DDX24: variants seen among roughly 807,000 people sequenced by gnomAD.
DDX24 encodes ATP-dependent RNA helicase DDX24.
Under a neutral mutation model 68.9 loss-of-function variants are expected in DDX24, and 24 were observed. That is an observed-to-expected ratio of 0.35 (90% CI 0.25 to 0.49). The LOEUF (loss-of-function observed/expected upper bound fraction) is 0.49, where lower values mean the gene tolerates loss of function less well. Ranked by LOEUF, DDX24 falls within the 20% of genes least tolerant of loss-of-function variation. The pLI, the probability that DDX24 is intolerant of heterozygous loss-of-function variation, is 0.99. For synonymous variants in DDX24, 395 were observed against 385.2 expected (o/e 1.03, Z -0.30); for missense variants, 989 against 1,039.0 (o/e 0.95, Z 0.66).
At position 94,051,155 on chromosome 14, in the gene DDX24, A is replaced by T; in HGVS notation, c.*36T>A. 1.3e-6 allele frequency: 2 copies of T among 1,490,632 alleles called. No homozygotes were observed. The highest frequency in any genetic ancestry group is 1.8e-6 in the Non-Finnish European group (2 of 1,123,158). The allele number at this position is 1,490,632 out of a possible 1,614,324, so 92.3% of individuals were successfully genotyped here. A position where few individuals can be genotyped will look rare whatever the true frequency, so the allele number is the denominator to read the frequency against. ...GAGGTTTTGCAAATAGCCAGAGAAC[A>T]GAAACCAATGTGCAGTCACTGACAC... On this transcript the variant is annotated 3_prime_UTR_variant, in exon 9 of 9. Transcript: ENST00000621632.
chr14:94,079,760 TAC>T lies in DDX24; in HGVS notation c.-5-15_-5-14del. 3 of 1,607,620 alleles carry T rather than the reference TAC, an allele frequency of 1.9e-6. No individual in the cohort carries two copies. Among genetic ancestry groups the T allele is most frequent in the Non-Finnish European group, 2.6e-6 (3 of 1,176,426 alleles). Reference sequence around the variant, plus strand: ...AACTTCATGGTTGCTGAAAAGGAGATACATGTTCTATTAGGTTGGTGTCTGAG... The same window carrying T: ...AACTTCATGGTTGCTGAAAAGGAGATATGTTCTATTAGGTTGGTGTCTGAG... On this transcript the variant is annotated splice_polypyrimidine_tract_variant and intron_variant, in intron 1 of 8. Transcript: ENST00000621632.
chr14:94,079,207 G>A lies in DDX24; in HGVS notation c.536C>T (p.Thr179Ile). Residue 179 changes from threonine (T) to isoleucine (I), a missense_variant, in exon 2 of 9, where the codon ACA becomes ATA. Transcript: ENST00000621632. ...TAAKVPKKAK[T>I]WIPEVHDQKA... ...CTGATCATGAACTTCAGGAATCCAT[G>A]TCTTCGCTTTTTTGGGCACCTTGGC... 6.2e-7 allele frequency: 1 copy of A among 1,614,240 alleles called. No homozygotes were observed. Among genetic ancestry groups the A allele is most frequent in the Admixed American group, 1.7e-5 (1 of 60,028 alleles).
chr14:94,078,159 T>C (rs1301772486), intron 2 of DDX24, among the ~76,000 whole-genome samples: 1 of 152,220 alleles, frequency 6.6e-6, no homozygotes, highest in Admixed American at 6.5e-5. Flanking sequence ...CGAGAGATGA[T>C]TTAAAATATA....
chr14:94,063,356 G>A (rs1229808660), intron 2 of DDX24, among the ~76,000 whole-genome samples: 1 of 152,128 alleles, frequency 6.6e-6, no homozygotes. Context: ...AGACTTATCA[G>A]AAACAATGAA....
At chr14:94,055,587 C>T (rs1885478600) in intron 6 of DDX24, 1 of 191,062 alleles carries the variant, frequency 5.2e-6, no homozygotes, top group African/African-American at 2.3e-5. Flanking sequence ...GAGCCCCTGG[C>T]ACACACCATT....
In DDX24 at chr14:94,062,045, G is replaced by T. The variant is rs930454054; in HGVS notation, c.1243+52C>A. The T allele has an allele frequency of 1.0e-5, 16 of 1,526,766 alleles. No individual in the cohort carries two copies. The African/African-American group carries it at 1.9e-4, about 19-fold the overall frequency. 94.6% of individuals were successfully genotyped at this position (1,526,766 alleles called of 1,614,324 possible). ...CCACAGCTCATTCATCTTTACCAACGAGCATTTGGGATTTACCTAGAAAAT... is the reference window on the plus strand; with the variant it reads ...CCACAGCTCATTCATCTTTACCAACTAGCATTTGGGATTTACCTAGAAAAT... On this transcript the variant is annotated intron_variant, in intron 3 of 8. Coordinates refer to ENST00000621632, the MANE Select transcript of DDX24 (RefSeq NM_020414.4).
At position 94,051,419 on chromosome 14, in the gene DDX24, C is replaced by T. The variant is rs777127239; in HGVS notation, c.2352G>A (p.Gln784=). ...GCAGCTCCTTCTTCAGAACCTTCAT[C>T]TGCTTTTGTCTCCGACGTTCTTCTT... ...DQQEERRRQK[Q]MKVLKKELRH... Residue 784 remains glutamine, a synonymous_variant, in exon 9 of 9, where the codon CAG becomes CAA. Transcript: ENST00000621632. 19 of 1,586,522 alleles carry T rather than the reference C, an allele frequency of 1.2e-5. No individual in the cohort carries two copies. The highest frequency in any genetic ancestry group is 8.6e-7 in the Non-Finnish European group (1 of 1,168,832).
intron 2 of DDX24, among the ~76,000 whole-genome samples, chr14:94,069,224 G>A (rs1885778493): frequency 6.6e-6 from 1 of 151,920 alleles, no homozygotes; most frequent in Non-Finnish European, 1.5e-5. Flanking sequence ...ATCATTCAAG[G>A]CTACTATGAA....
chr14:94,077,146 G>A (rs969879610), intron 2 of DDX24, among the ~76,000 whole-genome samples: 1 of 152,144 alleles, frequency 6.6e-6, no homozygotes, highest in Non-Finnish European at 1.5e-5. Flanking sequence ...GCCAATAATA[G>A]GCTATTAGCG....
rs573708420 is a variant in DDX24, at chr14:94,069,692, C to G, written c.719-7071G>C. 6.8e-4 allele frequency among the ~76,000 whole-genome samples: 103 copies of G among 152,140 alleles called. 1 individual carries two copies. The highest frequency in any genetic ancestry group is 1.3e-4 in the Non-Finnish European group (9 of 68,022). On this transcript the variant is annotated intron_variant, in intron 2 of 8. Coordinates refer to ENST00000621632, the MANE Select transcript of DDX24 (RefSeq NM_020414.4). Reference sequence around the variant, plus strand: ...TCAAGTGGGTTTCATGCCAGGGATGCAGGGATGGTTTAACATATGCAAGTC... The same window carrying G: ...TCAAGTGGGTTTCATGCCAGGGATGGAGGGATGGTTTAACATATGCAAGTC...
chr14:94,056,275 TTGAC>T (rs1240639911), intron 6 of DDX24: 2 of 152,240 alleles, frequency 1.3e-5, no homozygotes, highest in African/African-American at 4.8e-5. Context: ...TGACAAACTA[TTGAC>T]TGATGGCTGA....
At chr14:94,068,945 C>T (rs1885771489) in intron 2 of DDX24, among the ~76,000 whole-genome samples, 1 of 152,070 alleles carries the variant, frequency 6.6e-6, no homozygotes, top group Non-Finnish European at 1.5e-5. Flanking sequence ...AAGGTCACAT[C>T]TCAAGGAGCT....
intron 7 of DDX24, chr14:94,053,354 ATTTC>A (rs1340288531): frequency 1.4e-4 from 21 of 145,266 alleles, no homozygotes; most frequent in Middle Eastern, 2.4e-3. Flanking sequence ...TGCCTAGGTA[ATTTC>A]TTTTTTTTTT....
chr14:94,061,340 T>G (rs1885592487), intron 3 of DDX24, among the ~76,000 whole-genome samples: 1 of 152,166 alleles, frequency 6.6e-6, no homozygotes, highest in African/African-American at 2.4e-5. Context: ...AACCCAGGTA[T>G]GCTTACCTCC....
chr14:94,079,756 G>A lies in DDX24; in HGVS notation c.-5-9C>T, dbSNP rs2141439410. On this transcript the variant is annotated splice_polypyrimidine_tract_variant and intron_variant, in intron 1 of 8. Transcript: ENST00000621632. Reference sequence around the variant, plus strand: ...CTTCAACTTCATGGTTGCTGAAAAGGAGATACATGTTCTATTAGGTTGGTG... The same window carrying A: ...CTTCAACTTCATGGTTGCTGAAAAGAAGATACATGTTCTATTAGGTTGGTG... The A allele has an allele frequency of 6.2e-7, 1 of 1,609,816 alleles. No homozygotes were observed.
Position 94,051,322 on chromosome 14 carries a change from G to A in DDX24, c.2449C>T (p.Pro817Ser), listed in dbSNP as rs779756351. 1 of 1,613,440 alleles carries A rather than the reference G, an allele frequency of 6.2e-7. No individual in the cohort carries two copies. The highest frequency in any genetic ancestry group is 8.5e-7 in the Non-Finnish European group (1 of 1,179,892). The stretch of plus-strand genomic sequence containing the variant: ...TTACTTGGGGCAGACACAAGCAGGG[G>A]CGGCTTGCCAGACTGAGTGGGATAC... The part of the protein sequence containing the change: ...TKYPTQSGKP[P>S]LLVSAPSKSE... The change falls in exon 9 of 9, where the codon CCC becomes TCC. Residue 817 changes from proline to serine, a missense_variant. By Grantham distance (74) the Pro-to-Ser change is moderately conservative (BLOSUM62 -1). Transcript: ENST00000621632.
At chr14:94,077,547 G>A (rs866855383) in intron 2 of DDX24, among the ~76,000 whole-genome samples, 18 of 152,234 alleles carry the variant, frequency 1.2e-4, no homozygotes, top group Admixed American at 5.2e-4. Flanking sequence ...TGCTCTGTGA[G>A]GCTGAGTTTT....
intron 5 of DDX24, 88 bp from the exon 6 acceptor site, chr14:94,057,985 C>G: frequency 8.2e-7 from 1 of 1,216,342 alleles, no homozygotes; most frequent in South Asian, 1.3e-5. Context: ...CTAAACATTA[C>G]AGTCCTTACC....
chr14:94,068,000 C>T (rs1885740840), intron 2 of DDX24, among the ~76,000 whole-genome samples: 1 of 152,108 alleles, frequency 6.6e-6, no homozygotes, highest in South Asian at 2.1e-4. Context: ...CGCAAGGGTA[C>T]CTCACATTTC....
Sources: gnomAD v4.1 joint callset for allele counts (sites outside exome capture counted in the v4.1 genomes callset) on GRCh38, gnomAD v4.1.1 for gene constraint, MANE v1.5 for transcripts, NCBI Gene and HGNC (gene_info 2026-07-23, HGNC 2026-07-21) for gene names.